ANKMY1: variants seen among roughly 807,000 people sequenced by gnomAD.
The protein encoded by ANKMY1 is ankyrin repeat and MYND domain-containing protein 1.
A neutral mutation model predicts 102.0 loss-of-function variants in ANKMY1; 98 were observed. That is an observed-to-expected ratio of 0.96 (90% CI 0.82 to 1.14). The LOEUF is 1.14. Among genes scored for constraint, ANKMY1 ranks in the 50% most tolerant of loss-of-function variants. The pLI, the probability that ANKMY1 is intolerant of heterozygous loss-of-function variation, is 0.00. For missense variants in ANKMY1, 1,330 were observed against 1,347.6 expected, an observed-to-expected ratio of 0.99 and a Z score of 0.20; for synonymous variants, 582 against 559.9, an observed-to-expected ratio of 1.04 and a Z score of -0.56.
intron 13 of ANKMY1, among the ~76,000 whole-genome samples, chr2:240,505,746 A>G (rs186766860): frequency 6.6e-6 from 1 of 152,310 alleles, no homozygotes; most frequent in East Asian, 1.9e-4. Flanking sequence ...ATAAACAAAC[A>G]GTAATGAAAT....
At chr2:240,501,433 C>T (rs1424908784) in intron 13 of ANKMY1, among the ~76,000 whole-genome samples, 4 of 152,198 alleles carry the variant, frequency 2.6e-5, no homozygotes, top group African/African-American at 4.8e-5. Context: ...GGCTGCCCCA[C>T]CTGACATGGG....
chr2:240,504,896 A>G (rs1322212242), intron 13 of ANKMY1, among the ~76,000 whole-genome samples: 2 of 152,184 alleles, frequency 1.3e-5, no homozygotes, highest in African/African-American at 4.8e-5. Flanking sequence ...AATCCCAACA[A>G]GAATCACTTG....
intron 13 of ANKMY1, among the ~76,000 whole-genome samples, chr2:240,501,543 G>A (rs983196911): frequency 1.6e-4 from 25 of 152,328 alleles, no homozygotes; most frequent in Non-Finnish European, 2.4e-4. Context: ...TGCTGTGTGC[G>A]TGTGTGCCTT....
At chr2:240,472,055 A>T in the ANKMY1 span, among the ~76,000 whole-genome samples, 6 of 152,280 alleles carry the variant, frequency 3.9e-5, no homozygotes, top group South Asian at 1.2e-3. Flanking sequence ...TGCCTTCCCA[A>T]GGACGTGCTG....
chr2:240,521,305 C>G (rs549552563), intron 8 of ANKMY1, among the ~76,000 whole-genome samples: 1 of 151,294 alleles, frequency 6.6e-6, no homozygotes, highest in Non-Finnish European at 1.5e-5. Flanking sequence ...TCTCCAGACC[C>G]GTCTCCAGAC....
intron 12 of ANKMY1, among the ~76,000 whole-genome samples, chr2:240,508,088 C>T (rs2079421324): frequency 6.6e-6 from 1 of 152,270 alleles, no homozygotes; most frequent in Admixed American, 6.5e-5. Context: ...TTGCCTGGTG[C>T]CCAGGCTATC....
At chr2:240,502,896 C>A (rs1052122285) in intron 13 of ANKMY1, among the ~76,000 whole-genome samples, 4 of 152,042 alleles carry the variant, frequency 2.6e-5, no homozygotes, top group Non-Finnish European at 5.9e-5. Context: ...CCCTGCCCCA[C>A]CTCCACGGCC....
chr2:240,558,145 G>C (rs1406505185), upstream of ANKMY1: 1 of 212,380 alleles, frequency 4.7e-6, no homozygotes, highest in Non-Finnish European at 8.1e-6. Flanking sequence ...CGCGGGCCTC[G>C]GTGCCAGCCT....
At chr2:240,473,162 C>T in the ANKMY1 span, among the ~76,000 whole-genome samples, 1 of 117,094 alleles carries the variant, frequency 8.5e-6, no homozygotes, top group Non-Finnish European at 1.8e-5. Flanking sequence ...CCAAAAGAAA[C>T]TAGTAAAGCT....
Position 240,535,051 on chromosome 2 carries a change from C to T in ANKMY1, c.481-5542G>A, listed in dbSNP as rs1012486224. On this transcript the variant is annotated intron_variant, in intron 4 of 17. Transcript: ENST00000401804. ...AGGTCAAGGCTGCAGTAAGCTGTGTCGATGAAAAAAGTCAAACTGTGTGAA... is the reference window on the plus strand; with the variant it reads ...AGGTCAAGGCTGCAGTAAGCTGTGTTGATGAAAAAAGTCAAACTGTGTGAA... Among the ~76,000 whole-genome samples the T allele has an allele frequency of 2.3e-4, 35 of 152,190 alleles. 1 individual carries two copies. Among genetic ancestry groups the T allele is most frequent in the African/African-American group, 7.7e-4 (32 of 41,518 alleles).
the ANKMY1 span, among the ~76,000 whole-genome samples, chr2:240,469,090 C>T: frequency 5.3e-5 from 8 of 152,220 alleles, no homozygotes; most frequent in East Asian, 1.9e-4. Context: ...GCCAGACACT[C>T]ATCAGCGGCT....
chr2:240,525,630 G>T, intron 7 of ANKMY1, 55 bp downstream of exon 7: 1 of 1,575,696 alleles, frequency 6.3e-7, no homozygotes, highest in Non-Finnish European at 8.7e-7. Context: ...CATTTACAGA[G>T]ACAGAGAAGA....
At chr2:240,485,356 T>A (rs1462403011) in intron 15 of ANKMY1, among the ~76,000 whole-genome samples, 1 of 149,636 alleles carries the variant, frequency 6.7e-6, no homozygotes, top group Non-Finnish European at 1.5e-5. Context: ...ACAAAAATAG[T>A]CAGGAAACAA....
intron 13 of ANKMY1, among the ~76,000 whole-genome samples, chr2:240,504,966 G>A (rs34829976): frequency 0.037 from 5,653 of 151,374 alleles, 180 homozygotes; most frequent in Non-Finnish European, 0.05. Context: ...CTGCCTGGGC[G>A]ACAGAGTGAG....
chr2:240,547,890 G>C (rs1330648362), intron 4 of ANKMY1, among the ~76,000 whole-genome samples: 1 of 151,938 alleles, frequency 6.6e-6, no homozygotes, highest in Non-Finnish European at 1.5e-5. Flanking sequence ...CAACCAAAAA[G>C]AGTCCAGGAC....
chr2:240,554,814 C>T (rs1292048489), intron 3 of ANKMY1, 52 bp downstream of exon 3: 8 of 1,598,962 alleles, frequency 5.0e-6, no homozygotes, highest in African/African-American at 1.3e-5. Context: ...GGATAAAGGC[C>T]AGCCACCAGA....
At chr2:240,537,527 ACT>A (rs1365619499) in intron 4 of ANKMY1, among the ~76,000 whole-genome samples, 1 of 152,018 alleles carries the variant, frequency 6.6e-6, no homozygotes, top group Non-Finnish European at 1.5e-5. Flanking sequence ...AGTCCTCAAA[ACT>A]CTACTTACAT....
chr2:240,498,490 AG>A (rs1336498376), intron 15 of ANKMY1, among the ~76,000 whole-genome samples: 30 of 21,212 alleles, frequency 1.4e-3, no homozygotes, highest in Admixed American at 2.3e-3. Flanking sequence ...GGTGGAGCTG[AG>A]GGGGGTGTGC....
chr2:240,480,034 A>G (rs1183417862), intron 17 of ANKMY1, among the ~76,000 whole-genome samples: 1 of 152,190 alleles, frequency 6.6e-6, no homozygotes, highest in East Asian at 1.9e-4. Context: ...ACACGGTGAA[A>G]CCACGTCTCT....
Sources: gnomAD v4.1 joint callset for allele counts (sites outside exome capture counted in the v4.1 genomes callset) on GRCh38, gnomAD v4.1.1 for gene constraint, MANE v1.5 for transcripts, NCBI Gene and HGNC (gene_info 2026-07-23, HGNC 2026-07-21) for gene names.